JAKMIP2: variants seen among roughly 807,000 people sequenced by gnomAD.
The protein encoded by JAKMIP2 is janus kinase and microtubule-interacting protein 2.
JAKMIP2 carries 25 observed loss-of-function variants against 115.0 expected under a neutral mutation model. The ratio of observed to expected loss-of-function variants is 0.22; its 90% CI spans 0.16 to 0.30. The LOEUF (loss-of-function observed/expected upper bound fraction) is 0.30. Among genes scored for constraint, JAKMIP2 ranks in the 10% least tolerant of loss-of-function variants. JAKMIP2 has a pLI of 1.00. For synonymous variants in JAKMIP2, 334 were observed against 343.6 expected, an observed-to-expected ratio of 0.97 and a Z score of 0.31; for missense variants, 642 against 957.6, an observed-to-expected ratio of 0.67 and a Z score of 4.35.
At chr5:147,776,325 G>A (rs543145970) in intron 1 of JAKMIP2, among the ~76,000 whole-genome samples, 1 of 152,222 alleles carries the variant, frequency 6.6e-6, no homozygotes, top group African/African-American at 2.4e-5. Flanking sequence ...TCATGGTATT[G>A]AGTAAGTTCT....
At chr5:147,709,886 T>C (rs1003499428) in intron 1 of JAKMIP2, among the ~76,000 whole-genome samples, 1 of 152,122 alleles carries the variant, frequency 6.6e-6, no homozygotes, top group Non-Finnish European at 1.5e-5. Context: ...TCCTAGTCTT[T>C]CTTCTTTTGT....
chr5:147,711,605 T>C (rs1752784207), intron 1 of JAKMIP2, among the ~76,000 whole-genome samples: 1 of 152,228 alleles, frequency 6.6e-6, no homozygotes, highest in African/African-American at 2.4e-5. Context: ...ACTGATCTCA[T>C]GGGTCTTTGA....
At chr5:147,634,388 G>A (rs1268785618) in intron 12 of JAKMIP2, among the ~76,000 whole-genome samples, 1 of 152,138 alleles carries the variant, frequency 6.6e-6, no homozygotes. Context: ...AAGAAAGATA[G>A]GGAAATAGTG....
In JAKMIP2 at chr5:147,661,162, C is replaced by T. The variant is rs142259346; in HGVS notation, c.413G>A (p.Arg138Gln). The change falls in exon 3 of 22, where the codon CGG (arginine) becomes CAG (glutamine). Residue 138 changes from arginine (R) to glutamine (Q), a missense_variant. Physicochemically the swap from Arg to Gln is conservative, Grantham distance 43. Transcript: ENST00000616793. ...GTCAAACAGTTTCCGGGCCTCCTCC[C>T]GGGCCTCAATGGTGAGCGCTGTCCT... ...KVRTALTIEA[R>Q]EEARKLFDTE... 5 of 1,613,974 alleles carry T rather than the reference C, an allele frequency of 3.1e-6. No homozygotes were observed. The highest frequency in any genetic ancestry group is 1.3e-5 in the African/African-American group (1 of 74,890).
At chr5:147,641,664 T>A in intron 8 of JAKMIP2, 44 bp downstream of exon 8, 1 of 1,372,642 alleles carries the variant, frequency 7.3e-7, no homozygotes, top group Non-Finnish European at 1.0e-6. Context: ...CTCATCTCTC[T>A]GGCTGTTTGT....
At chr5:147,657,192 A>C (rs1758721994) in intron 3 of JAKMIP2, among the ~76,000 whole-genome samples, 1 of 152,052 alleles carries the variant, frequency 6.6e-6, no homozygotes, top group Non-Finnish European at 1.5e-5. Context: ...AGGCAGGGGA[A>C]TGGCATGAAC....
chr5:147,726,392 G>A (rs1440263893), intron 1 of JAKMIP2, among the ~76,000 whole-genome samples: 1 of 152,206 alleles, frequency 6.6e-6, no homozygotes, highest in Non-Finnish European at 1.5e-5. Context: ...GGCTGCCCAA[G>A]GAAAGGGAAC....
chr5:147,589,006 G>GT lies in JAKMIP2; in HGVS notation c.*2700dup, dbSNP rs1754996050. On this transcript the variant is annotated 3_prime_UTR_variant, in exon 22 of 22. Transcript: ENST00000616793. ...AGAAAAATGGAAAAGTCTTAGATAT[G>GT]TGAGAGTAATTTATCCTCTTCCATA... The GT allele has an allele frequency of 6.6e-6, 1 of 152,090 alleles. No individual in the cohort carries two copies. The highest frequency in any genetic ancestry group is 2.4e-5 in the African/African-American group (1 of 41,414). The allele number at this position is 152,090 out of a possible 1,614,324, so 9.4% of individuals were successfully genotyped here. A position where few individuals can be genotyped will look rare whatever the true frequency, so the allele number is the denominator to read the frequency against.
intron 3 of JAKMIP2, among the ~76,000 whole-genome samples, chr5:147,652,293 G>T (rs1223641684): frequency 6.6e-6 from 1 of 152,136 alleles, no homozygotes; most frequent in Non-Finnish European, 1.5e-5. Flanking sequence ...CATTCTGTTA[G>T]GTACTATGCT....
intron 1 of JAKMIP2, among the ~76,000 whole-genome samples, chr5:147,778,952 A>G (rs527584773): frequency 1.4e-3 from 213 of 152,246 alleles, no homozygotes; most frequent in Non-Finnish European, 1.9e-3. Flanking sequence ...TGGAATGTGT[A>G]AACAGGGAAT....
At chr5:147,654,075 T>C (rs1758543981) in intron 3 of JAKMIP2, among the ~76,000 whole-genome samples, 1 of 152,132 alleles carries the variant, frequency 6.6e-6, no homozygotes, top group Admixed American at 6.5e-5. Context: ...TCTATATATC[T>C]GTTTTGGTAC....
chr5:147,731,948 T>C (rs1463757891), intron 1 of JAKMIP2, among the ~76,000 whole-genome samples: 1 of 152,258 alleles, frequency 6.6e-6, no homozygotes, highest in Non-Finnish European at 1.5e-5. Context: ...AATTTGAGCC[T>C]TGGAGAAGAA....
chr5:147,727,577 A>T (rs1753569023), intron 1 of JAKMIP2, among the ~76,000 whole-genome samples: 1 of 152,214 alleles, frequency 6.6e-6, no homozygotes, highest in Non-Finnish European at 1.5e-5. Context: ...TGAGAACAGC[A>T]TGATCCAATC....
At chr5:147,595,318 T>C (rs1425047821) in intron 21 of JAKMIP2, 2 of 365,354 alleles carry the variant, frequency 5.5e-6, no homozygotes, top group South Asian at 2.0e-5. Context: ...TAGGAGGTTA[T>C]TAGGCCATGA....
rs1397791210 is a variant in JAKMIP2, at chr5:147,664,532, C to T, written c.130-3087G>A. 3.9e-5 allele frequency among the ~76,000 whole-genome samples: 6 copies of T among 152,268 alleles called. No homozygotes were observed. In the South Asian group the frequency reaches 8.3e-4, roughly 21 times the overall value. On this transcript the variant is annotated intron_variant, in intron 2 of 21. Transcript: ENST00000616793. Reference sequence around the variant, plus strand: ...TCCTGACTTATTCTTCCATCAGCTCCTTTTGGGATCCTCACATTCCTCATG... The same window carrying T: ...TCCTGACTTATTCTTCCATCAGCTCTTTTTGGGATCCTCACATTCCTCATG...
chr5:147,634,349 T>C (rs571255723), intron 12 of JAKMIP2, among the ~76,000 whole-genome samples: 1 of 152,270 alleles, frequency 6.6e-6, no homozygotes, highest in Admixed American at 6.5e-5. Context: ...ATAACACTTA[T>C]TACTGGGCAT....
intron 1 of JAKMIP2, among the ~76,000 whole-genome samples, chr5:147,727,825 A>C (rs1358884417): frequency 6.6e-6 from 1 of 151,688 alleles, no homozygotes; most frequent in Non-Finnish European, 1.5e-5. Context: ...TTCTGGAAAA[A>C]AGGTTTTTTT....
intron 20 of JAKMIP2, 126 bp downstream of exon 20, chr5:147,612,180 T>G: frequency 2.6e-6 from 2 of 775,882 alleles, no homozygotes; most frequent in Non-Finnish European, 4.6e-6. Context: ...CTAGGTTTAC[T>G]GTAACTATAC....
At chr5:147,636,378 A>T in intron 11 of JAKMIP2, 94 bp from the exon 12 acceptor site, 4 of 967,170 alleles carry the variant, frequency 4.1e-6, no homozygotes, top group Non-Finnish European at 6.4e-6. Context: ...CCTTCTCCCC[A>T]CCCTGTTTGT....
Sources: allele counts gnomAD v4.1 joint callset (sites outside exome capture counted in the v4.1 genomes callset), GRCh38; gene constraint gnomAD v4.1.1; transcripts MANE v1.5; gene names NCBI Gene and HGNC (gene_info 2026-07-23, HGNC 2026-07-21).